Variants in DCST1 observed in about 807,000 individuals in gnomAD.
DCST1 encodes E3 ubiquitin-protein ligase DCST1.
Under a neutral mutation model 89.1 loss-of-function variants are expected in DCST1, and 78 were observed. That is an observed-to-expected ratio of 0.88 (90% CI 0.73 to 1.06). The LOEUF (loss-of-function observed/expected upper bound fraction) is 1.06, where lower values mean the gene tolerates loss of function less well. Ranked by LOEUF, DCST1 falls within the 50% of genes least tolerant of loss-of-function variation. DCST1 has a pLI of 0.00. For missense variants in DCST1, 900 were observed against 928.6 expected (o/e 0.97, Z 0.40); for synonymous variants, 364 against 371.9 (o/e 0.98, Z 0.24).
intron 4 of DCST1, among the ~76,000 whole-genome samples, chr1:155,037,259 GGAGTC>G (rs1660304877): frequency 1.3e-5 from 2 of 152,058 alleles, no homozygotes; most frequent in African/African-American, 4.8e-5. Flanking sequence ...GCACTCAGCA[GGAGTC>G]TAGTCTACAG....
chr1:155,043,402 GAGCACCGAGGTGC>G lies in DCST1; in HGVS notation c.1066_1078del (p.Ser356GlyfsTer94). 1 of 1,613,998 alleles carries G rather than the reference GAGCACCGAGGTGC, an allele frequency of 6.2e-7. No homozygotes were observed. Among genetic ancestry groups the G allele is most frequent in the Non-Finnish European group, 8.5e-7 (1 of 1,179,954 alleles). On this transcript the variant is annotated frameshift_variant, in exon 10 of 17. Transcript: ENST00000295542. LOFTEE classifies it high-confidence loss of function. ...GGCTCAACACAAGCTGGGAGCGCGT[GAGCACCGAGGTGC>G]GGGACTACGTGTACCGCCAGGAGGC...
At chr1:155,040,316 A>AG (rs942514417) in intron 5 of DCST1, among the ~76,000 whole-genome samples, 169 bp from the exon 6 acceptor site, 2 of 152,018 alleles carry the variant, frequency 1.3e-5, no homozygotes, top group African/African-American at 4.8e-5. Context: ...AAAAAAAAAA[A>AG]AAAAACAGTG....
At chr1:155,046,285 T>C (rs1384187711) in intron 12 of DCST1, 65 bp downstream of exon 12, 3 of 1,613,578 alleles carry the variant, frequency 1.9e-6, no homozygotes. Flanking sequence ...GGGTGGAGGG[T>C]AAAAGGCACC....
intron 2 of DCST1, 97 bp from the exon 3 acceptor site, chr1:155,034,338 G>A (rs1219167434): frequency 1.2e-6 from 2 of 1,607,072 alleles, no homozygotes; most frequent in African/African-American, 2.7e-5. Flanking sequence ...CACATGCCAG[G>A]TTTCCCCAGC....
intron 4 of DCST1, among the ~76,000 whole-genome samples, chr1:155,036,599 G>A (rs1660283852): frequency 6.6e-6 from 1 of 152,188 alleles, no homozygotes; most frequent in South Asian, 2.1e-4. Flanking sequence ...TCCCTTTCTG[G>A]TTCTTCTGAT....
At chr1:155,048,777 C>A (rs1253847711) in intron 16 of DCST1, among the ~76,000 whole-genome samples, 3 of 151,880 alleles carry the variant, frequency 2.0e-5, no homozygotes, top group African/African-American at 7.3e-5. Flanking sequence ...CATAGAAAAG[C>A]AAGAGGGCCG....
rs1185763817 is a variant in DCST1, at chr1:155,034,102, G to C, written c.61+5G>C. ...GAAGAAAACAGCCTCATACCAGTGA[G>C]TCACTCAGCAGAGACCCAGTATCCC... On this transcript the variant is annotated splice_donor_5th_base_variant and intron_variant, in intron 2 of 16. Coordinates refer to ENST00000295542, the MANE Select transcript of DCST1 (RefSeq NM_152494.4). 3 of 1,614,002 alleles carry C rather than the reference G, an allele frequency of 1.9e-6. No individual in the cohort carries two copies. Among genetic ancestry groups the C allele is most frequent in the Admixed American group, 1.7e-5 (1 of 59,990 alleles).
At chr1:155,047,968 G>GCA (rs111941107) in intron 15 of DCST1, 39 bp downstream of exon 15, 460 of 1,541,222 alleles carry the variant, frequency 3.0e-4, no homozygotes, top group African/African-American at 1.9e-3. Flanking sequence ...CTACACACCT[G>GCA]CACACACACA....
Position 155,046,179 on chromosome 1 carries a change from C to T in DCST1, c.1327C>T (p.Pro443Ser), listed in dbSNP as rs754775231. 12 of 1,614,104 alleles carry T rather than the reference C, an allele frequency of 7.4e-6. No homozygotes were observed. In the East Asian group the frequency reaches 2.2e-4, roughly 30 times the overall value. ...AGCTGAGGAGAAAACCGTCATCTTC[C>T]CTTGCAAGCCCACCATCCAGGCCTC... ...RKAEEKTVIF[P>S]CKPTIQASEM... is the part of the protein sequence containing the mutation. Residue 443 changes from proline to serine, a missense_variant, in exon 12 of 17, where the codon CCT becomes TCT. Transcript: ENST00000295542.
intron 16 of DCST1, 43 bp from the exon 17 acceptor site, chr1:155,050,574 C>T: frequency 6.6e-7 from 1 of 1,523,956 alleles, no homozygotes; most frequent in Non-Finnish European, 8.8e-7. Flanking sequence ...CCCTTCTTTC[C>T]CGCCTCGCTC....
At chr1:155,042,479 T>C (rs1660466003) in intron 8 of DCST1, among the ~76,000 whole-genome samples, 1 of 152,172 alleles carries the variant, frequency 6.6e-6, no homozygotes, top group African/African-American at 2.4e-5. Context: ...AGCTGCTCTG[T>C]AAACGCTGGC....
chr1:155,045,760 GC>G, intron 10 of DCST1, 132 bp from the exon 11 acceptor site: 1 of 731,028 alleles, frequency 1.4e-6, no homozygotes, highest in Non-Finnish European at 2.4e-6. Context: ...CCCTAGCAGT[GC>G]CCAGGACATA....
Position 155,042,119 on chromosome 1 carries a change from G to A in DCST1, c.892+262G>A, listed in dbSNP as rs530025705. On this transcript the variant is annotated intron_variant, in intron 8 of 16. Coordinates refer to ENST00000295542, the MANE Select transcript of DCST1 (RefSeq NM_152494.4). ...TTGCATTAATTTTTTTTTTTGAGAC[G>A]GGGTGCTTCACTCTTGTCACCCAGA... Among the ~76,000 whole-genome samples the A allele has an allele frequency of 4.6e-5, 7 of 151,918 alleles. No homozygotes were observed. In the South Asian group the frequency reaches 1.2e-3, roughly 27 times the overall value.
chr1:155,044,301 G>GT (rs1332611154), intron 10 of DCST1, among the ~76,000 whole-genome samples: 1 of 152,118 alleles, frequency 6.6e-6, no homozygotes, highest in African/African-American at 2.4e-5. Context: ...GGGTAACACA[G>GT]TGAGACCTCG....
chr1:155,034,177 T>A, intron 2 of DCST1, 80 bp downstream of exon 2: 2 of 1,582,120 alleles, frequency 1.3e-6, no homozygotes, highest in Non-Finnish European at 1.7e-6. Context: ...CTGCACACTA[T>A]CCCCCAACTC....
intron 6 of DCST1, 89 bp from the exon 7 acceptor site, chr1:155,041,308 C>A (rs1660433588): frequency 1.4e-6 from 2 of 1,385,962 alleles, no homozygotes; most frequent in Non-Finnish European, 2.0e-6. Flanking sequence ...GAACCCAAAG[C>A]TTGGCTACTG....
intron 16 of DCST1, among the ~76,000 whole-genome samples, chr1:155,049,841 A>C (rs999777344): frequency 2.0e-5 from 3 of 152,244 alleles, no homozygotes; most frequent in Admixed American, 6.5e-5. Flanking sequence ...TCGTGAAGCA[A>C]ACTGAATGTG....
At position 155,039,990 on chromosome 1, in the gene DCST1, CAAAAAAAAAAAAAA is replaced by C. The variant is rs55764638; in HGVS notation, c.392-476_392-463del. ...TGGGTGACAGAGCAAGACTCCGTCT[CAAAAAAAAAAAAAA>C]AAAAAAAAAAAAAAAAAAGGCCAGG... On this transcript the variant is annotated intron_variant, in intron 5 of 16. Transcript: ENST00000295542. 0.012 allele frequency among the ~76,000 whole-genome samples: 163 copies of C among 13,392 alleles called. 4 individuals carry two copies. The East Asian group carries it at 0.19, about 16-fold the overall frequency. The allele number at this position is 13,392 out of a possible 152,430, so 8.8% of individuals were successfully genotyped here.
Position 155,034,204 on chromosome 1 carries a change from C to T in DCST1, c.61+107C>T, listed in dbSNP as rs963312108. ...CCCCAACTCGGTGTCCGCGCCTCCA[C>T]CACCTCTCTGGTCTAGTGCCTCCCG... On this transcript the variant is annotated intron_variant, in intron 2 of 16. Coordinates refer to ENST00000295542, the MANE Select transcript of DCST1 (RefSeq NM_152494.4). The T allele has an allele frequency of 1.9e-6, 3 of 1,541,026 alleles. No homozygotes were observed. The South Asian group carries it at 3.4e-5, about 17-fold the overall frequency.
Sources: allele counts gnomAD v4.1 joint callset (sites outside exome capture counted in the v4.1 genomes callset), GRCh38; gene constraint gnomAD v4.1.1; transcripts MANE v1.5; gene names NCBI Gene and HGNC (gene_info 2026-07-23, HGNC 2026-07-21).